CARF: variants seen among roughly 807,000 people sequenced by gnomAD.
CARF encodes the protein calcium-responsive transcription factor.
In CARF, 57 loss-of-function variants were observed where a neutral mutation model predicts 82.0. That is an observed-to-expected ratio of 0.70 (90% CI 0.56 to 0.87). The LOEUF (loss-of-function observed/expected upper bound fraction) is 0.87. Among genes scored for constraint, CARF ranks in the 40% least tolerant of loss-of-function variants. The probability of loss-of-function intolerance (pLI) is 0.00; values close to 1 mark genes in which losing one functional copy is unlikely to be tolerated. For missense variants in CARF, 771 were observed against 855.8 expected (o/e 0.90, Z 1.24); for synonymous variants, 268 against 290.1 (o/e 0.92, Z 0.77).
chr2:202,971,018 A>G (rs564274543), intron 11 of CARF, among the ~76,000 whole-genome samples: 113 of 152,264 alleles, frequency 7.4e-4, no homozygotes, highest in Middle Eastern at 3.4e-3. Flanking sequence ...GACAGGTTCT[A>G]TCTTTGGTTG....
intron 12 of CARF, among the ~76,000 whole-genome samples, chr2:202,973,736 G>A (rs2059905123): frequency 1.3e-5 from 2 of 152,154 alleles, no homozygotes; most frequent in African/African-American, 4.8e-5. Context: ...GCCTGACATA[G>A]CATTAAAAAC....
chr2:202,973,959 A>C (rs2059921351), intron 12 of CARF, among the ~76,000 whole-genome samples: 1 of 151,698 alleles, frequency 6.6e-6, no homozygotes, highest in Non-Finnish European at 1.5e-5. Context: ...GTGGTGGCAC[A>C]CTCCTGTAGT....
At chr2:202,924,442 A>C (rs1691417262) in intron 3 of CARF, 27 bp downstream of exon 3, 1 of 152,216 alleles carries the variant, frequency 6.6e-6, no homozygotes, top group African/African-American at 2.4e-5. Flanking sequence ...ATTGTTTTAC[A>C]TACGGCTATT....
intron 3 of CARF, among the ~76,000 whole-genome samples, chr2:202,927,227 A>G (rs1205682836): frequency 1.3e-5 from 2 of 151,916 alleles, no homozygotes; most frequent in East Asian, 1.9e-4. Context: ...ATTCTGTTTC[A>G]TTGAATTACA....
chr2:202,928,640 T>G (rs1294535328), intron 3 of CARF, among the ~76,000 whole-genome samples: 2 of 152,344 alleles, frequency 1.3e-5, no homozygotes, highest in South Asian at 4.1e-4. Flanking sequence ...ATTTTTTGTC[T>G]TTTTGATAAT....
At chr2:202,926,795 T>A (rs1465028737) in intron 3 of CARF, among the ~76,000 whole-genome samples, 1 of 152,164 alleles carries the variant, frequency 6.6e-6, no homozygotes, top group Non-Finnish European at 1.5e-5. Flanking sequence ...GATACATATA[T>A]CTTGCATATC....
intron 13 of CARF, among the ~76,000 whole-genome samples, chr2:202,975,501 C>T (rs180764807): frequency 1.7e-4 from 26 of 151,822 alleles, no homozygotes; most frequent in African/African-American, 5.1e-4. Context: ...CCCAGCTACT[C>T]GGGAGGGTGA....
chr2:202,923,726 A>G (rs191973030), intron 2 of CARF, among the ~76,000 whole-genome samples: 80 of 152,360 alleles, frequency 5.3e-4, no homozygotes, highest in African/African-American at 1.8e-3. Flanking sequence ...TTCGAACTAT[A>G]CTATAAGGCT....
chr2:202,983,758 T>G lies in CARF; in HGVS notation c.*134T>G. ...TTGATGAGAAGCTTTTATTTAAAAC[T>G]GATATATTTGTTGCCAGTTCCATAT... On this transcript the variant is annotated 3_prime_UTR_variant, in exon 17 of 17. Transcript: ENST00000438828. 1.6e-6 allele frequency: 1 copy of G among 641,378 alleles called. No individual in the cohort carries two copies. Among genetic ancestry groups the G allele is most frequent in the Non-Finnish European group, 2.7e-6 (1 of 364,892 alleles). The allele number at this position is 641,378 out of a possible 1,614,324, so 39.7% of individuals were successfully genotyped here.
At chr2:202,957,128 TTTTTCTTTTTGGCCCA>T (rs1481087821) in intron 8 of CARF, among the ~76,000 whole-genome samples, 9 of 152,182 alleles carry the variant, frequency 5.9e-5, no homozygotes, top group Non-Finnish European at 1.3e-4. Flanking sequence ...TTAAAGTATC[TTTTTCTTTTTGGCCCA>T]TTTTTCAATA....
intron 3 of CARF, among the ~76,000 whole-genome samples, chr2:202,936,104 G>GT (rs1282238818): frequency 6.6e-6 from 1 of 152,128 alleles, no homozygotes; most frequent in African/African-American, 2.4e-5. Context: ...TGTTAGGATT[G>GT]TAAGTGTGAG....
chr2:202,918,826 T>G (rs541593277), intron 2 of CARF, among the ~76,000 whole-genome samples: 5 of 152,348 alleles, frequency 3.3e-5, no homozygotes, highest in Admixed American at 1.3e-4. Context: ...AGTCATCATA[T>G]TAAAACCAAC....
At position 202,982,090 on chromosome 2, in the gene CARF, A is replaced by G; in HGVS notation, c.1708A>G (p.Arg570Gly). The change falls in exon 16 of 17, where the codon AGG becomes GGG. Residue 570 changes from arginine to glycine, a missense_variant. Coordinates refer to ENST00000438828, the MANE Select transcript of CARF (RefSeq NM_024744.17). Reference sequence around the variant, plus strand: ...TTAAAAGGGTTTGCAGTTACAACCAAGGTACACCTCTCCTGATGAATCACC... The same window carrying G: ...TTAAAAGGGTTTGCAGTTACAACCAGGGTACACCTCTCCTGATGAATCACC... Reference protein sequence around the residue: ...TQLQGLQLQPRYTSPDESPAV... With the variant: ...TQLQGLQLQPGYTSPDESPAV... 1 of 1,613,864 alleles carries G rather than the reference A, an allele frequency of 6.2e-7. No individual in the cohort carries two copies. Among genetic ancestry groups the G allele is most frequent in the African/African-American group, 1.3e-5 (1 of 75,060 alleles).
intron 12 of CARF, among the ~76,000 whole-genome samples, chr2:202,972,930 T>C (rs555609279): frequency 4.6e-5 from 7 of 152,252 alleles, no homozygotes; most frequent in Admixed American, 3.9e-4. Context: ...GTCTTTTCTT[T>C]TGTTGTTTTT....
chr2:202,917,397 G>C (rs1048352861), intron 1 of CARF, among the ~76,000 whole-genome samples: 6 of 151,930 alleles, frequency 3.9e-5, no homozygotes, highest in South Asian at 2.1e-4. Context: ...AACTGTTTAG[G>C]CTCCATATTT....
chr2:202,958,709 A>T (rs532820471), intron 8 of CARF, among the ~76,000 whole-genome samples: 1 of 152,178 alleles, frequency 6.6e-6, no homozygotes, highest in South Asian at 2.1e-4. Context: ...GATTGAGACC[A>T]TCCTGGCCAA....
rs978372768 is a variant in CARF, at chr2:202,924,294, C to G, written c.-162-3C>G. On this transcript the variant is annotated splice_polypyrimidine_tract_variant and splice_region_variant and intron_variant, in intron 2 of 16. Coordinates refer to ENST00000438828, the MANE Select transcript of CARF (RefSeq NM_024744.17). ...CTTTTATATTTTGTACTGTTTGTTT[C>G]AGGTTTAATATATCTTTGCCAAGTC... 6.6e-6 allele frequency: 1 copy of G among 151,990 alleles called. No homozygotes were observed. Among genetic ancestry groups the G allele is most frequent in the Admixed American group, 6.6e-5 (1 of 15,260 alleles). The allele number at this position is 151,990 out of a possible 1,614,324, so 9.4% of individuals were successfully genotyped here. A position where few individuals can be genotyped will look rare whatever the true frequency, so the allele number is the denominator to read the frequency against.
chr2:202,982,012 T>C, intron 15 of CARF, 60 bp from the exon 16 acceptor site: 1 of 1,535,940 alleles, frequency 6.5e-7, no homozygotes. Flanking sequence ...TTGTATATCC[T>C]ATGAGAATAT....
rs75424954 is a variant in CARF, at chr2:202,935,845, C to T, written c.-43-6015C>T. ...AAAATACTTTCTTTAGGGACAGAGT[C>T]TCACTCTGTTGCACACGCTGAATTG... On this transcript the variant is annotated intron_variant, in intron 3 of 16. Transcript: ENST00000438828. Among the ~76,000 whole-genome samples, 12 of 152,286 alleles carry T rather than the reference C, an allele frequency of 7.9e-5. No homozygotes were observed. In the East Asian group the frequency reaches 2.3e-3, roughly 29 times the overall value.
Sources: gnomAD v4.1 joint callset for allele counts (sites outside exome capture counted in the v4.1 genomes callset) on GRCh38, gnomAD v4.1.1 for gene constraint, MANE v1.5 for transcripts, NCBI Gene and HGNC (gene_info 2026-07-23, HGNC 2026-07-21) for gene names.